MED13: variants seen among roughly 807,000 people sequenced by gnomAD.
The protein encoded by MED13 is mediator complex subunit 13.
A neutral mutation model predicts 225.2 loss-of-function variants in MED13; 23 were observed. The ratio of observed to expected loss-of-function variants is 0.10; its 90% CI spans 0.07 to 0.14. The LOEUF is 0.14. Ranked by LOEUF, MED13 falls within the 10% of genes least tolerant of loss-of-function variation. The pLI, the probability that MED13 is intolerant of heterozygous loss-of-function variation, is 1.00. For missense variants in MED13, 2,197 were observed against 2,594.5 expected (o/e 0.85, Z 3.33); for synonymous variants, 942 against 889.2 (o/e 1.06, Z -1.06).
chr17:62,028,467 A>G (rs1239466807), intron 8 of MED13, among the ~76,000 whole-genome samples: 1 of 152,178 alleles, frequency 6.6e-6, no homozygotes, highest in Non-Finnish European at 1.5e-5. Flanking sequence ...CTGAGTGACA[A>G]AATAATCTAT....
intron 16 of MED13, among the ~76,000 whole-genome samples, 194 bp from the exon 17 acceptor site, chr17:61,973,082 C>T (rs1251735329): frequency 6.6e-6 from 1 of 152,080 alleles, no homozygotes; most frequent in Non-Finnish European, 1.5e-5. Context: ...ATTCTTACAA[C>T]CAAGAAGACA....
chr17:62,025,643 C>G (rs2143656160), intron 8 of MED13, among the ~76,000 whole-genome samples: 1 of 152,278 alleles, frequency 6.6e-6, no homozygotes, highest in African/African-American at 2.4e-5. Context: ...GCACTCCTGT[C>G]TGCGAGATAT....
intron 9 of MED13, among the ~76,000 whole-genome samples, chr17:62,000,709 C>T (rs1234197055): frequency 2.0e-5 from 3 of 152,034 alleles, no homozygotes; most frequent in Non-Finnish European, 4.4e-5. Context: ...TTAGCCAGAC[C>T]TTCATTATTT....
At chr17:62,017,034 A>T (rs981780077) in intron 8 of MED13, among the ~76,000 whole-genome samples, 138 of 149,284 alleles carry the variant, frequency 9.2e-4, no homozygotes, top group African/African-American at 3.1e-3. Context: ...TAATAATAAT[A>T]AATAAATAAA....
At chr17:61,948,586 T>C (rs1361308918) in intron 28 of MED13, among the ~76,000 whole-genome samples, 1 of 151,860 alleles carries the variant, frequency 6.6e-6, no homozygotes. Flanking sequence ...TGTAGCACCC[T>C]CCCAAAGGAC....
chr17:61,992,702 T>G lies in MED13; in HGVS notation c.2182-81A>C, dbSNP rs2080310116. On this transcript the variant is annotated intron_variant, in intron 10 of 29. Coordinates refer to ENST00000397786, the MANE Select transcript of MED13 (RefSeq NM_005121.3). ...CTACCAATTATTGAGGAGCTGTGTG[T>G]CAGGCATCCAGCTAAGTGTTTAACA... 3.2e-6 allele frequency: 3 copies of G among 924,802 alleles called. No homozygotes were observed. In the South Asian group the frequency reaches 4.2e-5, roughly 13 times the overall value. The allele number at this position is 924,802 out of a possible 1,614,324, so 57.3% of individuals were successfully genotyped here.
intron 4 of MED13, among the ~76,000 whole-genome samples, chr17:62,034,538 G>C (rs1258064645): frequency 6.8e-6 from 1 of 147,332 alleles, no homozygotes; most frequent in East Asian, 2.0e-4. Flanking sequence ...ATTTTTAACA[G>C]AAGCTGGGAA....
At chr17:62,017,928 T>C (rs989870104) in intron 8 of MED13, among the ~76,000 whole-genome samples, 3 of 152,240 alleles carry the variant, frequency 2.0e-5, no homozygotes, top group Non-Finnish European at 4.4e-5. Flanking sequence ...CTAGCTTTTT[T>C]CATGAAACAC....
At chr17:61,970,679 CAAAAAAAAAAAA>C (rs10600340) in intron 17 of MED13, among the ~76,000 whole-genome samples, 6 of 46,922 alleles carry the variant, frequency 1.3e-4, no homozygotes, top group South Asian at 2.4e-3. Flanking sequence ...GAGACTGTCT[CAAAAAAAAAAAA>C]AAAAAAAAAA....
chr17:62,050,176 T>C (rs1190915118), intron 3 of MED13, among the ~76,000 whole-genome samples: 1 of 151,750 alleles, frequency 6.6e-6, no homozygotes, highest in African/African-American at 2.4e-5. Context: ...CTAGCCAACA[T>C]GGCGAAACCT....
intron 10 of MED13, among the ~76,000 whole-genome samples, chr17:61,994,453 C>T (rs1419538552): frequency 6.6e-6 from 1 of 152,160 alleles, no homozygotes; most frequent in African/African-American, 2.4e-5. Context: ...TCCTGAATCA[C>T]ATATTCAAAA....
intron 28 of MED13, among the ~76,000 whole-genome samples, chr17:61,948,813 G>A (rs562459819): frequency 5.8e-4 from 88 of 151,342 alleles, no homozygotes; most frequent in African/African-American, 2.1e-3. Flanking sequence ...ACGGCCGGGC[G>A]CGGTGGCTCA....
chr17:62,000,756 T>G (rs2143541699), intron 9 of MED13, among the ~76,000 whole-genome samples: 1 of 152,184 alleles, frequency 6.6e-6, no homozygotes, highest in South Asian at 2.1e-4. Flanking sequence ...ATCAATAGTT[T>G]TGTTTTTTGT....
At chr17:61,968,577 G>A (rs555727441) in intron 17 of MED13, among the ~76,000 whole-genome samples, 4 of 152,092 alleles carry the variant, frequency 2.6e-5, no homozygotes, top group East Asian at 1.9e-4. Context: ...CGCCCACCTC[G>A]GCCTCCCAAA....
chr17:62,043,156 CAAAAAAAAAAAAAAAAA>C (rs764530614), intron 3 of MED13, among the ~76,000 whole-genome samples: 9 of 31,664 alleles, frequency 2.8e-4, no homozygotes, highest in South Asian at 2.7e-3. Flanking sequence ...ACCCTGTCTC[CAAAAAAAAAAAAAAAAA>C]AAAAAAAAAA....
At position 61,984,989 on chromosome 17, in the gene MED13, G is replaced by C. The variant is rs1193731076; in HGVS notation, c.2476+11C>G. The C allele has an allele frequency of 9.9e-6, 16 of 1,613,158 alleles. No homozygotes were observed. In the East Asian group the frequency reaches 2.2e-4, roughly 22 times the overall value. On this transcript the variant is annotated intron_variant, in intron 13 of 29. Coordinates refer to ENST00000397786, the MANE Select transcript of MED13 (RefSeq NM_005121.3). ...GCAAATTTATCTCGAGCACAGATGA[G>C]GGAAGCTTACTTATGCAAGATAACG...
At chr17:61,959,096 T>A (rs1178830797) in intron 23 of MED13, among the ~76,000 whole-genome samples, 3 of 152,010 alleles carry the variant, frequency 2.0e-5, no homozygotes, top group African/African-American at 7.2e-5. Context: ...CTCCGCCTCC[T>A]GGGTTCAAGT....
Position 61,982,853 on chromosome 17 carries a change from T to A in MED13, c.3150A>T (p.Thr1050=). ...DLYSPASTPS[T]CRPLNSVEPA... is the part of the protein sequence containing the mutation. ...GTTCAACAGAATTAAGGGGTCTGCA[T>A]GTAGATGGGGTAGAAGCTGGTGAAT... The change falls in exon 16 of 30, where the codon ACA becomes ACT. Residue 1050 remains threonine, a synonymous_variant. Transcript: ENST00000397786. 2 of 1,614,186 alleles carry A rather than the reference T, an allele frequency of 1.2e-6. No homozygotes were observed. The highest frequency in any genetic ancestry group is 2.2e-5 in the East Asian group (1 of 44,886).
rs751652047 is a variant in MED13 at position 61,982,949 on chromosome 17, AGGAGTCCTT to A, written c.3045_3053del (p.Thr1020_Arg1022del). On this transcript the variant is annotated inframe_deletion, in exon 16 of 30. Transcript: ENST00000397786. ...GTCCACCAGCTCCACGAGGAGTCCG[AGGAGTCCTT>A]GGAGTCCTTGGAGTTGGAAACCGAG... The A allele has an allele frequency of 3.0e-5, 49 of 1,613,980 alleles. No individual in the cohort carries two copies. Among genetic ancestry groups the A allele is most frequent in the Admixed American group, 1.2e-4 (7 of 59,974 alleles).
Sources: allele counts gnomAD v4.1 joint callset (sites outside exome capture counted in the v4.1 genomes callset), GRCh38; gene constraint gnomAD v4.1.1; transcripts MANE v1.5; gene names NCBI Gene and HGNC (gene_info 2026-07-23, HGNC 2026-07-21).